The following CTNND2 variants were observed in gnomAD, a reference collection of about 807,000 sequenced individuals.
The protein encoded by CTNND2 is catenin delta-2.
Under a neutral mutation model 144.4 loss-of-function variants are expected in CTNND2, and 22 were observed. The ratio of observed to expected loss-of-function variants is 0.15; its 90% CI spans 0.11 to 0.22. The LOEUF (loss-of-function observed/expected upper bound fraction) is 0.22. Ranked by LOEUF, CTNND2 falls within the 10% of genes least tolerant of loss-of-function variation. The probability of loss-of-function intolerance (pLI) is 1.00; values close to 1 mark genes in which losing one functional copy is unlikely to be tolerated. For synonymous variants in CTNND2, 751 were observed against 695.6 expected (o/e 1.08, Z -1.25); for missense variants, 1,353 against 1,618.8 (o/e 0.84, Z 2.82).
At chr5:11,270,049 C>G (rs1745836910) in intron 9 of CTNND2, among the ~76,000 whole-genome samples, 1 of 152,110 alleles carries the variant, frequency 6.6e-6, no homozygotes. Context: ...AAATGGGAAA[C>G]AAAACTTTGT....
At chr5:11,634,960 A>C (rs953636379) in intron 2 of CTNND2, among the ~76,000 whole-genome samples, 6 of 152,208 alleles carry the variant, frequency 3.9e-5, no homozygotes, top group Non-Finnish European at 5.9e-5. Flanking sequence ...TCTAGTGGGC[A>C]GAAGATATAG....
chr5:11,065,027 T>G (rs1179568894), intron 16 of CTNND2, among the ~76,000 whole-genome samples: 1 of 152,244 alleles, frequency 6.6e-6, no homozygotes, highest in African/African-American at 2.4e-5. Flanking sequence ...TTGTCTAAGC[T>G]GCAGTTTTCC....
At chr5:11,547,086 C>T (rs981421767) in intron 3 of CTNND2, among the ~76,000 whole-genome samples, 7 of 151,922 alleles carry the variant, frequency 4.6e-5, no homozygotes, top group Non-Finnish European at 7.4e-5. Flanking sequence ...CTGGCCAACA[C>T]GGTGAAATCC....
chr5:11,355,021 C>A (rs911732476), intron 8 of CTNND2, among the ~76,000 whole-genome samples: 5 of 152,078 alleles, frequency 3.3e-5, no homozygotes, highest in African/African-American at 1.2e-4. Context: ...AATTAAACGG[C>A]AAATTAAAAA....
chr5:11,875,198 C>G (rs1735472442), intron 1 of CTNND2, among the ~76,000 whole-genome samples: 1 of 152,160 alleles, frequency 6.6e-6, no homozygotes, highest in Non-Finnish European at 1.5e-5. Context: ...TTCAGGGTTT[C>G]AAACTCTAAG....
intron 3 of CTNND2, among the ~76,000 whole-genome samples, chr5:11,429,923 T>A (rs992994258): frequency 2.6e-5 from 4 of 152,142 alleles, no homozygotes; most frequent in African/African-American, 4.8e-5. Context: ...TCTTTTTAGC[T>A]GTAATTGCTG....
At position 11,159,597 on chromosome 5, in the gene CTNND2, C is replaced by G; in HGVS notation, c.2138G>C (p.Arg713Pro). ...KIQLHSSQVL[R>P]NATGCLRNVS... is the part of the protein sequence containing the mutation. ...TGACCTTAGGCACCCGGTGGCGTTA[C>G]GCAGCACCTGTGATGAATGCAGCTG... Residue 713 changes from arginine (R) to proline (P), a missense_variant, in exon 12 of 22, where the codon CGT (arginine) becomes CCT (proline). Around this residue, in one of 4 missense-constraint regions of CTNND2, gnomAD observed 117 missense variants for 117.8 expected, o/e 0.99. Coordinates refer to ENST00000304623, the MANE Select transcript of CTNND2 (RefSeq NM_001332.4). 6.2e-7 allele frequency: 1 copy of G among 1,611,940 alleles called. No individual in the cohort carries two copies.
chr5:11,514,511 T>G (rs558629545), intron 3 of CTNND2, among the ~76,000 whole-genome samples: 1 of 152,336 alleles, frequency 6.6e-6, no homozygotes, highest in South Asian at 2.1e-4. Flanking sequence ...TCTGTACGTA[T>G]AATTGCACAA....
chr5:11,182,006 TG>T (rs1218008492), intron 11 of CTNND2, among the ~76,000 whole-genome samples: 1 of 98,668 alleles, frequency 1.0e-5, no homozygotes, highest in African/African-American at 5.0e-5. Context: ...GTGTGGTGTG[TG>T]GGTGTGTGTG....
chr5:11,775,116 A>G (rs528448348), intron 1 of CTNND2, among the ~76,000 whole-genome samples: 1 of 152,168 alleles, frequency 6.6e-6, no homozygotes, highest in South Asian at 2.1e-4. Context: ...AAAGGCTGAG[A>G]AAAGTGCGGT....
At chr5:11,869,370 T>C (rs959313192) in intron 1 of CTNND2, among the ~76,000 whole-genome samples, 1 of 152,240 alleles carries the variant, frequency 6.6e-6, no homozygotes, top group African/African-American at 2.4e-5. Context: ...GGTTTATTCA[T>C]ACAATGGAAT....
At chr5:11,092,941 T>G (rs1250987625) in intron 15 of CTNND2, among the ~76,000 whole-genome samples, 1 of 152,212 alleles carries the variant, frequency 6.6e-6, no homozygotes, top group Non-Finnish European at 1.5e-5. Context: ...CTCAAGGCTG[T>G]TATCTCTCTC....
chr5:11,372,068 A>T (rs1757519769), intron 7 of CTNND2, among the ~76,000 whole-genome samples: 1 of 152,192 alleles, frequency 6.6e-6, no homozygotes, highest in South Asian at 2.1e-4. Context: ...AGCGTACAAA[A>T]CACAGAATTT....
chr5:11,051,664 G>C (rs1332367775), intron 16 of CTNND2, among the ~76,000 whole-genome samples: 1 of 152,130 alleles, frequency 6.6e-6, no homozygotes, highest in East Asian at 1.9e-4. Context: ...TTTAGAATTA[G>C]GTTTCTTTTT....
intron 8 of CTNND2, among the ~76,000 whole-genome samples, chr5:11,363,017 T>C (rs913140870): frequency 2.6e-5 from 4 of 152,230 alleles, no homozygotes; most frequent in Non-Finnish European, 5.9e-5. Context: ...AATTTTCACA[T>C]ATTACAGAAC....
intron 2 of CTNND2, among the ~76,000 whole-genome samples, chr5:11,657,431 T>G (rs1191219684): frequency 6.6e-6 from 1 of 152,106 alleles, no homozygotes; most frequent in Non-Finnish European, 1.5e-5. Flanking sequence ...CTCTCTCTGT[T>G]TCCTTCCTTC....
intron 18 of CTNND2, among the ~76,000 whole-genome samples, chr5:10,999,322 A>G (rs1445427337): frequency 6.6e-6 from 1 of 152,124 alleles, no homozygotes; most frequent in Non-Finnish European, 1.5e-5. Context: ...CATTTCAATC[A>G]TTATTTGCCT....
chr5:11,047,976 T>A (rs1484517114), intron 16 of CTNND2, among the ~76,000 whole-genome samples: 1 of 152,216 alleles, frequency 6.6e-6, no homozygotes, highest in East Asian at 1.9e-4. Context: ...ATTCAGGGGT[T>A]CCACCATTTA....
intron 9 of CTNND2, among the ~76,000 whole-genome samples, chr5:11,266,796 T>C (rs910291414): frequency 6.6e-6 from 1 of 152,224 alleles, no homozygotes; most frequent in South Asian, 2.1e-4. Context: ...CCATTATGGG[T>C]TGGCTTCAGA....
Sources: gnomAD v4.1 joint callset for allele counts (sites outside exome capture counted in the v4.1 genomes callset) on GRCh38, gnomAD v4.1.1 for gene constraint, gnomAD v4.1.1 regional missense constraint, MANE v1.5 for transcripts, NCBI Gene and HGNC (gene_info 2026-07-23, HGNC 2026-07-21) for gene names.